CTNNA3: variants seen among roughly 807,000 people sequenced by gnomAD.
The protein encoded by CTNNA3 is catenin alpha 3.
CTNNA3 carries 76 observed loss-of-function variants against 95.7 expected under a neutral mutation model. That is an observed-to-expected ratio of 0.79 (90% CI 0.66 to 0.96). CTNNA3 has a LOEUF of 0.96. CTNNA3 is among the 40% of genes least tolerant of loss of function. The pLI, the probability that CTNNA3 is intolerant of heterozygous loss-of-function variation, is 0.00. For synonymous variants in CTNNA3, 431 were observed against 374.4 expected (o/e 1.15, Z -1.74); for missense variants, 1,191 against 1,089.8 (o/e 1.09, Z -1.31).
chr10:67,518,771 C>T (rs142999550), intron 5 of CTNNA3, among the ~76,000 whole-genome samples: 161 of 152,142 alleles, frequency 1.1e-3, no homozygotes, highest in African/African-American at 3.6e-3. Context: ...CAAATTAATA[C>T]ATAAATCTGA....
intron 7 of CTNNA3, among the ~76,000 whole-genome samples, chr10:66,976,816 C>CAA (rs1188208622): frequency 6.6e-6 from 1 of 152,102 alleles, no homozygotes; most frequent in African/African-American, 2.4e-5. Flanking sequence ...AAATGTATAA[C>CAA]AAGTCACAGG....
Position 65,923,140 on chromosome 10 carries a change from CA to C in CTNNA3, c.2401-2524del, listed in dbSNP as rs1483772720. 4.6e-5 allele frequency among the ~76,000 whole-genome samples: 7 copies of C among 152,238 alleles called. No homozygotes were observed. In the East Asian group the frequency reaches 1.4e-3, roughly 29 times the overall value. On this transcript the variant is annotated intron_variant, in intron 17 of 17. Transcript: ENST00000433211. The stretch of plus-strand genomic sequence containing the variant: ...GTGGGGACACAAAGCCTAACCATAT[CA>C]AAAGTAATCAGTTAAACTATTTGGA...
chr10:67,671,605 C>T (rs1050912014), intron 1 of CTNNA3, among the ~76,000 whole-genome samples: 5 of 150,898 alleles, frequency 3.3e-5, no homozygotes, highest in Non-Finnish European at 5.9e-5. Flanking sequence ...TGAGAACATG[C>T]GGTGTTTGGT....
chr10:65,959,791 C>G (rs112028958), intron 17 of CTNNA3, among the ~76,000 whole-genome samples: 2,360 of 152,242 alleles, frequency 0.016, 69 homozygotes, highest in African/African-American at 0.054. Context: ...GCTGGGATTA[C>G]AGCCCTGAGC....
chr10:67,148,665 AT>A (rs1379791170), intron 7 of CTNNA3, among the ~76,000 whole-genome samples: 1 of 152,206 alleles, frequency 6.6e-6, no homozygotes, highest in Non-Finnish European at 1.5e-5. Flanking sequence ...TCACATCAAA[AT>A]TTCCTCATCC....
intron 7 of CTNNA3, chr10:67,176,992 A>T: frequency 2.0e-6 from 1 of 494,798 alleles, no homozygotes; most frequent in South Asian, 1.5e-5. Flanking sequence ...GAGCTGAAAG[A>T]CAGAAATTTG....
intron 7 of CTNNA3, among the ~76,000 whole-genome samples, chr10:66,886,171 T>C (rs980065210): frequency 2.0e-5 from 3 of 152,048 alleles, no homozygotes; most frequent in Admixed American, 1.3e-4. Context: ...AATAAATAAA[T>C]AGGAGTGCCA....
intron 13 of CTNNA3, among the ~76,000 whole-genome samples, chr10:66,167,911 T>C (rs1040126542): frequency 6.6e-6 from 1 of 152,140 alleles, no homozygotes; most frequent in Non-Finnish European, 1.5e-5. Context: ...ATATCCCAGA[T>C]ACACCTAGTC....
intron 5 of CTNNA3, among the ~76,000 whole-genome samples, chr10:67,403,121 GT>G (rs1352284242): frequency 6.6e-6 from 1 of 152,210 alleles, no homozygotes; most frequent in Non-Finnish European, 1.5e-5. Flanking sequence ...GCTTTGGAGA[GT>G]CCAAACAGTC....
intron 1 of CTNNA3, among the ~76,000 whole-genome samples, chr10:67,654,479 T>C (rs1395789904): frequency 3.4e-5 from 5 of 148,522 alleles, no homozygotes; most frequent in Admixed American, 3.3e-4. Flanking sequence ...TGAAAAGTCA[T>C]GTTATTCCAC....
At chr10:66,248,536 A>G (rs2090428912) in intron 13 of CTNNA3, among the ~76,000 whole-genome samples, 1 of 152,162 alleles carries the variant, frequency 6.6e-6, no homozygotes, top group Non-Finnish European at 1.5e-5. Flanking sequence ...GACAGAAATA[A>G]GAAATAAAAA....
intron 11 of CTNNA3, among the ~76,000 whole-genome samples, chr10:66,392,585 C>A (rs148431810): frequency 6.6e-6 from 1 of 151,908 alleles, no homozygotes; most frequent in Non-Finnish European, 1.5e-5. Context: ...GCAAAAGATG[C>A]GAGCAGACAC....
chr10:66,001,211 G>A (rs1185702733), intron 15 of CTNNA3, among the ~76,000 whole-genome samples: 3 of 151,882 alleles, frequency 2.0e-5, no homozygotes, highest in African/African-American at 7.3e-5. Flanking sequence ...ACAGTCCTGG[G>A]GTTTCTTTCT....
At chr10:67,300,528 CG>C (rs1554820110) in intron 5 of CTNNA3, among the ~76,000 whole-genome samples, 1 of 152,204 alleles carries the variant, frequency 6.6e-6, no homozygotes, top group Non-Finnish European at 1.5e-5. Flanking sequence ...CTAGCATTTC[CG>C]TTTCCCCAAG....
intron 3 of CTNNA3, among the ~76,000 whole-genome samples, chr10:67,547,072 T>C (rs1840866223): frequency 6.6e-6 from 1 of 152,166 alleles, no homozygotes; most frequent in Non-Finnish European, 1.5e-5. Context: ...ACAACGATTA[T>C]AACATGGTCT....
chr10:66,684,588 C>G (rs1482363841), intron 9 of CTNNA3, among the ~76,000 whole-genome samples: 1 of 151,992 alleles, frequency 6.6e-6, no homozygotes, highest in Non-Finnish European at 1.5e-5. Flanking sequence ...TAACTGCTTT[C>G]TTATAATGAA....
chr10:65,989,535 T>C (rs2078495924), intron 15 of CTNNA3, among the ~76,000 whole-genome samples: 1 of 152,196 alleles, frequency 6.6e-6, no homozygotes, highest in Non-Finnish European at 1.5e-5. Context: ...CTACTTTTAG[T>C]ATTTCACATT....
At chr10:66,580,805 A>T (rs1425065343) in intron 10 of CTNNA3, among the ~76,000 whole-genome samples, 2 of 151,806 alleles carry the variant, frequency 1.3e-5, no homozygotes, top group Non-Finnish European at 3.0e-5. Flanking sequence ...TCTCAGTTAC[A>T]TGGATGAATT....
chr10:66,823,694 G>T (rs1842382246), intron 7 of CTNNA3, among the ~76,000 whole-genome samples: 1 of 152,148 alleles, frequency 6.6e-6, no homozygotes, highest in Non-Finnish European at 1.5e-5. Flanking sequence ...AGTGAGTTTT[G>T]TGCTAGACAC....
Sources: allele counts gnomAD v4.1 joint callset (sites outside exome capture counted in the v4.1 genomes callset), GRCh38; gene constraint gnomAD v4.1.1; transcripts MANE v1.5; gene names NCBI Gene and HGNC (gene_info 2026-07-23, HGNC 2026-07-21).